NAV2: variants seen among roughly 807,000 people sequenced by gnomAD.
NAV2 encodes the protein neuron navigator 2.
A neutral mutation model predicts 223.2 loss-of-function variants in NAV2; 54 were observed. The ratio of observed to expected loss-of-function variants is 0.24; its 90% CI spans 0.19 to 0.30. NAV2 has a LOEUF of 0.30. NAV2 is among the 10% of genes least tolerant of loss of function. NAV2 has a pLI of 1.00. For synonymous variants in NAV2, 1,279 were observed against 1,239.3 expected (o/e 1.03, Z -0.67); for missense variants, 2,806 against 3,147.5 (o/e 0.89, Z 2.60).
chr11:20,011,339 G>C (rs1442611834), intron 11 of NAV2, among the ~76,000 whole-genome samples: 1 of 152,196 alleles, frequency 6.6e-6, no homozygotes, highest in Non-Finnish European at 1.5e-5. Context: ...AAAGAAAAAG[G>C]TTGTAATGTT....
intron 1 of NAV2, among the ~76,000 whole-genome samples, chr11:19,698,168 A>C (rs2049402904): frequency 6.6e-6 from 1 of 152,152 alleles, no homozygotes; most frequent in South Asian, 2.1e-4. Flanking sequence ...CCAGGGTTTG[A>C]ATTCCAACTC....
chr11:19,345,978 G>A (rs1326045752), upstream of NAV2, among the ~76,000 whole-genome samples: 1 of 152,144 alleles, frequency 6.6e-6, no homozygotes, highest in Non-Finnish European at 1.5e-5. The surrounding 1 kb of genome is among the most constrained non-coding windows in gnomAD (Gnocchi z 5.2). Flanking sequence ...TCTTGTGTCT[G>A]AATACCGCTA....
chr11:19,463,662 C>T (rs888481911), intron 1 of NAV2, among the ~76,000 whole-genome samples: 2 of 152,120 alleles, frequency 1.3e-5, no homozygotes, highest in South Asian at 2.1e-4. Context: ...TGGTGTCTAA[C>T]CAGAAAAAGC....
intron 6 of NAV2, among the ~76,000 whole-genome samples, chr11:19,928,590 G>T (rs946156387): frequency 7.2e-5 from 11 of 152,126 alleles, no homozygotes; most frequent in Admixed American, 7.2e-4. Context: ...CCCCCAAACT[G>T]GTTTTCATAG....
intron 6 of NAV2, among the ~76,000 whole-genome samples, chr11:19,920,176 T>G (rs567205905): frequency 2.0e-5 from 3 of 152,328 alleles, no homozygotes; most frequent in African/African-American, 7.2e-5. Context: ...AAATTCTTAC[T>G]CTACCACTTA....
chr11:20,031,481 C>A (rs904164422), intron 11 of NAV2, among the ~76,000 whole-genome samples: 1 of 152,174 alleles, frequency 6.6e-6, no homozygotes, highest in African/African-American at 2.4e-5. Context: ...AGTTACGTTT[C>A]CCCATTAGTT....
At chr11:19,716,710 C>T (rs915685453) in intron 1 of NAV2, among the ~76,000 whole-genome samples, 1 of 152,170 alleles carries the variant, frequency 6.6e-6, no homozygotes, top group Non-Finnish European at 1.5e-5. Context: ...AATCTCATTT[C>T]ATCTTTACAG....
intron 8 of NAV2, 149 bp downstream of exon 8, chr11:19,939,922 T>TC (rs397820578): frequency 3.5e-6 from 2 of 563,660 alleles, no homozygotes; most frequent in Non-Finnish European, 6.2e-6. Context: ...TTTTTTTTTT[T>TC]CCTATTATTT....
chr11:19,781,350 A>C (rs1434807174), intron 1 of NAV2, among the ~76,000 whole-genome samples: 2 of 152,140 alleles, frequency 1.3e-5, no homozygotes, highest in Admixed American at 1.3e-4. Flanking sequence ...CTCTCTGTTC[A>C]CTGCAATCCC....
At chr11:19,981,087 A>G (rs975668432) in intron 10 of NAV2, 5 of 152,142 alleles carry the variant, frequency 3.3e-5, no homozygotes, top group Non-Finnish European at 7.4e-5. Flanking sequence ...CAGTCTTGAA[A>G]CTAGATCATT....
At chr11:20,030,906 A>G (rs1053494741) in intron 11 of NAV2, among the ~76,000 whole-genome samples, 2 of 152,260 alleles carry the variant, frequency 1.3e-5, no homozygotes. Context: ...TAAATGTTAT[A>G]AATACATACT....
At chr11:19,584,826 G>A (rs1306329780) in intron 1 of NAV2, among the ~76,000 whole-genome samples, 1 of 152,198 alleles carries the variant, frequency 6.6e-6, no homozygotes, top group Admixed American at 6.5e-5. Context: ...GAATAGGTGT[G>A]ATGTGGTGCT....
chr11:19,819,106 G>A (rs1037544769), intron 1 of NAV2, among the ~76,000 whole-genome samples: 6 of 151,958 alleles, frequency 3.9e-5, no homozygotes, highest in East Asian at 3.9e-4. Flanking sequence ...TGTTTATCAC[G>A]CTCCTGTAGT....
chr11:19,953,849 A>ACACGCG (rs1555167180), intron 10 of NAV2, among the ~76,000 whole-genome samples: 24 of 126,466 alleles, frequency 1.9e-4, no homozygotes, highest in Middle Eastern at 4.2e-3. Flanking sequence ...AGAAATGTGC[A>ACACGCG]CGCGCGCGCG....
intron 22 of NAV2, among the ~76,000 whole-genome samples, chr11:20,076,778 A>T (rs1239163044): frequency 6.6e-6 from 1 of 152,180 alleles, no homozygotes; most frequent in African/African-American, 2.4e-5. Context: ...GTATTTTAAC[A>T]TCTCTGAAAA....
chr11:19,533,718 T>C (rs2044097930), intron 1 of NAV2, among the ~76,000 whole-genome samples: 1 of 130,522 alleles, frequency 7.7e-6, no homozygotes, highest in African/African-American at 4.5e-5. Flanking sequence ...TTTTTTTTTT[T>C]TTTTTTGAGA....
chr11:19,960,411 C>T (rs955399460), intron 10 of NAV2, among the ~76,000 whole-genome samples: 4 of 151,940 alleles, frequency 2.6e-5, no homozygotes, highest in Admixed American at 2.6e-4. Flanking sequence ...AAATGAAGAC[C>T]CTAGAGGGTA....
intron 10 of NAV2, among the ~76,000 whole-genome samples, chr11:19,968,152 A>G (rs1191828889): frequency 1.3e-5 from 2 of 152,182 alleles, no homozygotes; most frequent in Non-Finnish European, 2.9e-5. Flanking sequence ...CCTAGAGTTC[A>G]TATGATGAAA....
At chr11:19,718,798 A>G (rs1218495220) in intron 1 of NAV2, among the ~76,000 whole-genome samples, 1 of 152,192 alleles carries the variant, frequency 6.6e-6, no homozygotes, top group Non-Finnish European at 1.5e-5. Context: ...ACATGTGTAT[A>G]TATCTGTATA....
Sources: allele counts gnomAD v4.1 joint callset (sites outside exome capture counted in the v4.1 genomes callset), GRCh38; gene constraint gnomAD v4.1.1; non-coding constraint Gnocchi (gnomAD v3.1); transcripts MANE v1.5; gene names NCBI Gene and HGNC (gene_info 2026-07-23, HGNC 2026-07-21).